Variants in ZNF682 observed in about 807,000 individuals in gnomAD.
ZNF682 encodes the protein zinc finger protein 682.
In ZNF682, 29 loss-of-function variants were observed where a neutral mutation model predicts 36.5. The observed-to-expected ratio is 0.80, with a 90% CI of 0.59 to 1.08. The LOEUF is 1.08. Among genes scored for constraint, ZNF682 ranks in the 50% least tolerant of loss-of-function variants. The pLI is 0.00. For synonymous variants in ZNF682, 180 were observed against 197.0 expected, an observed-to-expected ratio of 0.91 and a Z score of 0.72; for missense variants, 561 against 579.7, an observed-to-expected ratio of 0.97 and a Z score of 0.33.
intron 3 of ZNF682, chr19:19,997,325 C>G (rs367582579): frequency 3.5e-5 from 14 of 398,528 alleles, no homozygotes; most frequent in East Asian, 2.5e-4. Context: ...TACAGCAAAG[C>G]CTTTTCATAC....
chr19:20,039,453 G>C lies in ZNF682; in HGVS notation c.-108C>G. The C allele has an allele frequency of 6.8e-7, 1 of 1,469,426 alleles. No individual in the cohort carries two copies. Among genetic ancestry groups the C allele is most frequent in the East Asian group, 2.3e-5 (1 of 43,706 alleles). The allele number at this position is 1,469,426 out of a possible 1,614,324, so 91.0% of individuals were successfully genotyped here. On this transcript the variant is annotated 5_prime_UTR_variant, in exon 1 of 4. In the 5' UTR this introduces an upstream ATG that the reference lacks. Transcript: ENST00000397165. The stretch of plus-strand genomic sequence containing the variant: ...GTCACCGGGAACTACTAGAGCAGAG[G>C]ATACTAAGCAATGAAGATGGACCCT...
chr19:19,997,080 A>AAC (rs1359692484), exon 4 of ZNF682: 1 of 395,836 alleles, frequency 2.5e-6, no homozygotes, highest in Non-Finnish European at 4.4e-6. Flanking sequence ...AAAAAAAAAA[A>AAC]ACCCAGAATA....
intron 1 of ZNF682, among the ~76,000 whole-genome samples, chr19:20,031,699 G>A (rs1278106093): frequency 6.6e-6 from 1 of 152,100 alleles, no homozygotes; most frequent in Non-Finnish European, 1.5e-5. Flanking sequence ...TCCCAGCACT[G>A]TGGGAGGCCG....
At chr19:20,011,545 A>AT (rs1221703997) in intron 3 of ZNF682, among the ~76,000 whole-genome samples, 1 of 152,248 alleles carries the variant, frequency 6.6e-6, no homozygotes, top group African/African-American at 2.4e-5. Flanking sequence ...GATTGACCAC[A>AT]TGCTCAGTCA....
At chr19:20,024,208 C>A (rs372780242) in intron 2 of ZNF682, 42 bp downstream of exon 2, 96 of 1,609,810 alleles carry the variant, frequency 6.0e-5, no homozygotes, top group African/African-American at 4.3e-4. Context: ...AAAATAAAAT[C>A]TTTTGTGTGA....
downstream of ZNF682, among the ~76,000 whole-genome samples, chr19:20,001,555 G>A (rs2088168543): frequency 6.6e-6 from 1 of 152,240 alleles, no homozygotes; most frequent in Non-Finnish European, 1.5e-5. Context: ...TCATGCTGCA[G>A]GGAATATTGT....
At position 20,039,424 on chromosome 19, in the gene ZNF682, G is replaced by C; in HGVS notation, c.-79C>G. On this transcript the variant is annotated 5_prime_UTR_variant, in exon 1 of 4. Transcript: ENST00000397165. ...CAAGTCAGAGGGCAACAGAGGCTGCGACAGTCACCGGGAACTACTAGAGCA... is the reference window on the plus strand; with the variant it reads ...CAAGTCAGAGGGCAACAGAGGCTGCCACAGTCACCGGGAACTACTAGAGCA... 1.9e-6 allele frequency: 3 copies of C among 1,588,872 alleles called. No individual in the cohort carries two copies. The highest frequency in any genetic ancestry group is 2.6e-6 in the Non-Finnish European group (3 of 1,166,182).
rs748955902 is a variant in ZNF682 at position 20,006,620 on chromosome 19, A to G, written c.882T>C (p.Phe294=). 4.3e-5 allele frequency: 70 copies of G among 1,614,058 alleles called. 2 individuals carry two copies. In the South Asian group the frequency reaches 7.1e-4, roughly 16 times the overall value. The change falls in exon 4 of 4, where the codon TTT becomes TTC. Residue 294 remains phenylalanine (F), a synonymous_variant. Transcript: ENST00000397165. ...PYTCEDCGRA[F]NRHSHLTKHK... ...GTTTGGTGAGATGTGAGTGCCGGTT[A>G]AACGCTCTGCCACAGTCTTCACATG...
chr19:20,033,103 T>A (rs1453707972), intron 1 of ZNF682, among the ~76,000 whole-genome samples: 1 of 152,040 alleles, frequency 6.6e-6, no homozygotes, highest in Admixed American at 6.6e-5. Context: ...CCGCCTTTAC[T>A]AAAAATACAA....
intron 1 of ZNF682, among the ~76,000 whole-genome samples, chr19:20,035,925 G>A (rs188960655): frequency 1.1e-3 from 172 of 151,864 alleles, no homozygotes; most frequent in African/African-American, 3.7e-3. Context: ...TAGTAGAAAC[G>A]AAGTCTCACT....
At chr19:20,034,603 A>AC (rs60652313) in intron 1 of ZNF682, among the ~76,000 whole-genome samples, 118,588 of 151,240 alleles carry the variant, frequency 0.78, 46,642 homozygotes, top group Middle Eastern at 0.87. Context: ...ACATGGTGAA[A>AC]CCACCTCTCT....
At chr19:20,035,824 C>T (rs1158014026) in intron 1 of ZNF682, among the ~76,000 whole-genome samples, 1 of 151,918 alleles carries the variant, frequency 6.6e-6, no homozygotes, top group East Asian at 1.9e-4. Flanking sequence ...CAACCTCTGC[C>T]TCCCAGGTTC....
downstream of ZNF682, among the ~76,000 whole-genome samples, chr19:19,996,470 G>T (rs2088129497): frequency 2.0e-5 from 3 of 152,176 alleles, no homozygotes; most frequent in African/African-American, 7.2e-5. Flanking sequence ...AGAAAATGTG[G>T]TACAGGTATA....
In ZNF682 at chr19:20,006,218, T is replaced by C. The variant is rs1353026378; in HGVS notation, c.1284A>G (p.Glu428=). 3 of 1,613,988 alleles carry C rather than the reference T, an allele frequency of 1.9e-6. No individual in the cohort carries two copies. Among genetic ancestry groups the C allele is most frequent in the East Asian group, 2.2e-5 (1 of 44,874 alleles). ...ACCGATTAAAGGCTTTTCCACATTC[T>C]TCACAGTTGTAGGGTTTCTCTCCAG... ...IHTGEKPYNC[E]ECGKAFNRCS... Residue 428 remains glutamate, a synonymous_variant, in exon 4 of 4, where the codon GAA becomes GAG. Coordinates refer to ENST00000397165, the MANE Select transcript of ZNF682 (RefSeq NM_033196.3).
intron 1 of ZNF682, among the ~76,000 whole-genome samples, chr19:20,029,891 G>A (rs2088465256): frequency 1.3e-5 from 2 of 152,154 alleles, no homozygotes; most frequent in South Asian, 4.1e-4. Context: ...GGGTTTGGAA[G>A]AATTGTGAAC....
intron 1 of ZNF682, 129 bp downstream of exon 1, chr19:20,039,214 C>A: frequency 6.8e-7 from 1 of 1,466,344 alleles, no homozygotes; most frequent in Admixed American, 2.2e-5. Flanking sequence ...CCGAGCTGTG[C>A]CTGCCGGGGA....
intron 1 of ZNF682, 100 bp downstream of exon 1, chr19:20,039,243 G>C: frequency 6.4e-7 from 1 of 1,568,192 alleles, no homozygotes; most frequent in African/African-American, 1.3e-5. Context: ...CGCAGACTCC[G>C]GAGCTGACAG....
intron 1 of ZNF682, among the ~76,000 whole-genome samples, chr19:20,034,608 C>CT (rs398101124): frequency 6.6e-6 from 1 of 150,868 alleles, no homozygotes; most frequent in Non-Finnish European, 1.5e-5. Context: ...GTGAAACCAC[C>CT]TCTCTACTAA....
chr19:20,006,773 A>G lies in ZNF682; in HGVS notation c.729T>C (p.Ser243=). ...ECGKAFNWCS[S]LTKHKRIHTG... ...TATGGATTCTCTTATGTTTAGTAAG[A>G]CTCGAGCACCAGTTAAAAGCTTTGC... The change falls in exon 4 of 4, where the codon AGT becomes AGC. Residue 243 remains serine (S), a synonymous_variant. Transcript: ENST00000397165. 6.2e-7 allele frequency: 1 copy of G among 1,611,382 alleles called. No individual in the cohort carries two copies. The highest frequency in any genetic ancestry group is 8.5e-7 in the Non-Finnish European group (1 of 1,179,094).
Sources: gnomAD v4.1 joint callset for allele counts (sites outside exome capture counted in the v4.1 genomes callset) on GRCh38, gnomAD v4.1.1 for gene constraint, MANE v1.5 for transcripts, NCBI Gene and HGNC (gene_info 2026-07-23, HGNC 2026-07-21) for gene names.